The following CPAMD8 variants were observed in gnomAD, a reference collection of about 807,000 sequenced individuals.
CPAMD8 encodes the protein C3 and PZP like alpha-2-macroglobulin domain containing 8.
In CPAMD8, 146 loss-of-function variants were observed where a neutral mutation model predicts 224.7. The observed-to-expected ratio is 0.65, with a 90% confidence interval of 0.57 to 0.75. CPAMD8 has a LOEUF of 0.75. CPAMD8 is among the 30% of genes least tolerant of loss of function. The pLI is 0.00. For missense variants in CPAMD8, 2,301 were observed against 2,537.5 expected (o/e 0.91, Z 2.00); for synonymous variants, 966 against 1,044.6 (o/e 0.92, Z 1.45).
At chr19:16,979,633 T>A (rs984292319) in intron 14 of CPAMD8, among the ~76,000 whole-genome samples, 1 of 152,004 alleles carries the variant, frequency 6.6e-6, no homozygotes, top group Non-Finnish European at 1.5e-5. Context: ...CATTCATCCA[T>A]CTTTCTATCT....
intron 30 of CPAMD8, among the ~76,000 whole-genome samples, chr19:16,905,289 A>T (rs2052425690): frequency 2.0e-5 from 3 of 151,348 alleles, no homozygotes; most frequent in Admixed American, 1.3e-4. Flanking sequence ...ATAATAATTT[A>T]AAAAGAATGG....
chr19:16,989,610 T>C (rs778365432), intron 13 of CPAMD8, 33 bp downstream of exon 13: 1 of 1,602,968 alleles, frequency 6.2e-7, no homozygotes, highest in Non-Finnish European at 8.5e-7. Context: ...GGATCCCGCA[T>C]GGCCCAGGAA....
At chr19:16,902,015 C>T (rs1023076241) in intron 35 of CPAMD8, among the ~76,000 whole-genome samples, 3 of 152,090 alleles carry the variant, frequency 2.0e-5, no homozygotes, top group African/African-American at 7.2e-5. Context: ...GCCATGGTGA[C>T]AAGCATCCAT....
chr19:16,993,436 C>A lies in CPAMD8; in HGVS notation c.1246G>T (p.Ala416Ser). 1 of 1,613,472 alleles carries A rather than the reference C, an allele frequency of 6.2e-7. No homozygotes were observed. The highest frequency in any genetic ancestry group is 8.5e-7 in the Non-Finnish European group (1 of 1,179,662). ...CCCACCTCCAGCCACACGTGCTGGG[C>A]TGACGTGGGGATGGAGGGGATTTCA... ...GFEIPSIPTSAQHVWLETKVM... is the reference protein window; with the variant it reads ...GFEIPSIPTSSQHVWLETKVM... Residue 416 changes from alanine to serine, a missense_variant, in exon 12 of 42, where the codon GCC (alanine) becomes TCC (serine). This residue lies in a region of CPAMD8 where 301 missense variants were observed against 406.6 expected (regional missense o/e 0.74). Transcript: ENST00000443236.
chr19:16,931,896 C>T (rs372538914), intron 23 of CPAMD8, among the ~76,000 whole-genome samples: 1 of 152,300 alleles, frequency 6.6e-6, no homozygotes, highest in East Asian at 1.9e-4. Flanking sequence ...AATCTAAATG[C>T]TGTACCCAAC....
intron 41 of CPAMD8, chr19:16,895,274 A>T (rs1568441166): frequency 1.3e-5 from 2 of 152,648 alleles, no homozygotes; most frequent in South Asian, 2.1e-4. Context: ...TTAGCCGGGC[A>T]TGGTGGCGGG....
At chr19:16,921,450 C>T (rs55709293) in intron 27 of CPAMD8, among the ~76,000 whole-genome samples, 12,895 of 152,138 alleles carry the variant, frequency 0.085, 619 homozygotes, top group South Asian at 0.15. Flanking sequence ...GCCCTCCCTG[C>T]CCTGGTCTCC....
At chr19:16,969,897 A>G (rs115685197) in intron 18 of CPAMD8, among the ~76,000 whole-genome samples, 3,286 of 146,446 alleles carry the variant, frequency 0.022, 115 homozygotes, top group African/African-American at 0.05. Context: ...AAACAAAAAC[A>G]ACGAAAAACT....
intron 12 of CPAMD8, among the ~76,000 whole-genome samples, chr19:16,993,127 C>T (rs148783296): frequency 9.9e-4 from 150 of 152,280 alleles, no homozygotes; most frequent in African/African-American, 3.4e-3. Context: ...CTGTTCCACC[C>T]GCCCAGAAGC....
chr19:17,002,886 CTTTCTTTTCT>C (rs1167527098), intron 8 of CPAMD8, among the ~76,000 whole-genome samples: 3 of 146,254 alleles, frequency 2.1e-5, no homozygotes, highest in South Asian at 2.1e-4. Context: ...TCTTTTCGTT[CTTTCTTTTCT>C]TTTCTTTTCT....
At chr19:16,976,284 T>C (rs1180487461) in intron 15 of CPAMD8, 133 bp from the exon 16 acceptor site, 44 of 594,036 alleles carry the variant, frequency 7.4e-5, no homozygotes, top group Non-Finnish European at 7.2e-5. Flanking sequence ...GAGACCAGCC[T>C]GGCCAACATG....
intron 15 of CPAMD8, among the ~76,000 whole-genome samples, chr19:16,976,854 C>A (rs1401481394): frequency 3.3e-5 from 5 of 151,992 alleles, no homozygotes; most frequent in Non-Finnish European, 5.9e-5. Flanking sequence ...CCAGCCTGGC[C>A]AACATGGTGA....
rs188047889 is a variant in CPAMD8, at chr19:16,985,631, C to T, written c.1395+4012G>A. Among the ~76,000 whole-genome samples, 1,049 of 128,600 alleles carry T rather than the reference C, an allele frequency of 8.2e-3. 23 individuals carry two copies. Among genetic ancestry groups the T allele is most frequent in the Non-Finnish European group, 5.8e-3 (354 of 60,688 alleles). The allele number at this position is 128,600 out of a possible 152,430, so 84.4% of individuals were successfully genotyped here. A position where few individuals can be genotyped will look rare whatever the true frequency, so the allele number is the denominator to read the frequency against. ...TGGATGATGGATGGATGAAGGGAGGCGCAGAGGGAGGGTGGATGGATGGAT... is the reference window on the plus strand; with the variant it reads ...TGGATGATGGATGGATGAAGGGAGGTGCAGAGGGAGGGTGGATGGATGGAT... On this transcript the variant is annotated intron_variant, in intron 13 of 41. Coordinates refer to ENST00000443236, the MANE Select transcript of CPAMD8 (RefSeq NM_015692.5).
At chr19:16,916,186 A>T (rs922771969) in intron 27 of CPAMD8, among the ~76,000 whole-genome samples, 2 of 151,902 alleles carry the variant, frequency 1.3e-5, no homozygotes, top group Non-Finnish European at 2.9e-5. Flanking sequence ...GCGAATTTTT[A>T]AATTCTTTAT....
intron 19 of CPAMD8, 85 bp from the exon 20 acceptor site, chr19:16,952,285 T>A: frequency 1.3e-6 from 1 of 780,426 alleles, no homozygotes; most frequent in Non-Finnish European, 2.2e-6. Context: ...TGACCCAGGC[T>A]GCATGGCTCA....
intron 18 of CPAMD8, among the ~76,000 whole-genome samples, chr19:16,968,649 T>C (rs370473873): frequency 6.7e-6 from 1 of 149,148 alleles, no homozygotes; most frequent in Non-Finnish European, 1.5e-5. Context: ...TTATTTATTT[T>C]TAAATTAGAG....
rs1161410582 is a variant in CPAMD8, at chr19:16,904,553, C to A, written c.4028-1G>T. ...GACAGGCTCCAGTGGGTGACCCCATCTGCAAGGAAAGGAGTGGTCAAGAGC... is the reference window on the plus strand; with the variant it reads ...GACAGGCTCCAGTGGGTGACCCCATATGCAAGGAAAGGAGTGGTCAAGAGC... On this transcript the variant is annotated splice_acceptor_variant, in intron 30 of 41. Transcript: ENST00000443236. LOFTEE classifies it high-confidence loss of function. The A allele has an allele frequency of 6.2e-7, 1 of 1,610,298 alleles. No individual in the cohort carries two copies.
At chr19:16,920,513 C>T (rs2053130574) in intron 27 of CPAMD8, among the ~76,000 whole-genome samples, 1 of 151,526 alleles carries the variant, frequency 6.6e-6, no homozygotes, top group Non-Finnish European at 1.5e-5. Flanking sequence ...ATTTTTCTTG[C>T]TCATGCTGAG....
intron 10 of CPAMD8, among the ~76,000 whole-genome samples, chr19:16,999,344 G>T (rs2056234681): frequency 6.6e-6 from 1 of 152,006 alleles, no homozygotes; most frequent in Admixed American, 6.6e-5. Context: ...ACTTTGGGAG[G>T]CCGAGGCAGG....
Sources: allele counts gnomAD v4.1 joint callset (sites outside exome capture counted in the v4.1 genomes callset), GRCh38; gene constraint gnomAD v4.1.1; regional missense constraint gnomAD v4.1.1; transcripts MANE v1.5; gene names NCBI Gene and HGNC (gene_info 2026-07-23, HGNC 2026-07-21).